The following SLIT3 variants were observed in gnomAD, a reference collection of about 807,000 sequenced individuals.
SLIT3 encodes the protein slit homolog 3 protein.
SLIT3 carries 68 observed loss-of-function variants against 184.0 expected under a neutral mutation model. The observed-to-expected ratio is 0.37, with a 90% CI of 0.30 to 0.45. SLIT3 has a LOEUF of 0.45. Ranked by LOEUF, SLIT3 falls within the 20% of genes least tolerant of loss-of-function variation. SLIT3 has a pLI of 1.00. For synonymous variants in SLIT3, 831 were observed against 828.6 expected, an observed-to-expected ratio of 1.00 and a Z score of -0.05; for missense variants, 1,707 against 2,026.0, an observed-to-expected ratio of 0.84 and a Z score of 3.02.
At chr5:169,176,962 T>C (rs576808889) in intron 4 of SLIT3, among the ~76,000 whole-genome samples, 1 of 152,338 alleles carries the variant, frequency 6.6e-6, no homozygotes, top group African/African-American at 2.4e-5. Flanking sequence ...ATCCCCCCTC[T>C]GCCTTTGAGA....
chr5:168,999,696 G>C (rs1022189641), intron 4 of SLIT3, among the ~76,000 whole-genome samples: 2 of 152,226 alleles, frequency 1.3e-5, no homozygotes, highest in Non-Finnish European at 2.9e-5. Context: ...CACAGCCCAA[G>C]TCCCTGCCTC....
At chr5:169,205,473 A>G (rs1241288924) in intron 3 of SLIT3, among the ~76,000 whole-genome samples, 1 of 152,240 alleles carries the variant, frequency 6.6e-6, no homozygotes, top group Non-Finnish European at 1.5e-5. Context: ...CTACTAGGAT[A>G]TCCATTCAAA....
chr5:169,300,745 C>G lies in SLIT3; in HGVS notation c.-36G>C. Reference sequence around the variant, plus strand: ...GCCCCGCTCCTGGAGGAGGCTGCCTCTGCGGGGCAAGACGCGTGGAGCCCG... The same window carrying G: ...GCCCCGCTCCTGGAGGAGGCTGCCTGTGCGGGGCAAGACGCGTGGAGCCCG... On this transcript the variant is annotated 5_prime_UTR_variant, in exon 1 of 36. Coordinates refer to ENST00000519560, the MANE Select transcript of SLIT3 (RefSeq NM_003062.4). This position sits in a 1 kb window ranked among gnomAD's most constrained non-coding sequence, Gnocchi z 4.1. 1 of 1,289,712 alleles carries G rather than the reference C, an allele frequency of 7.8e-7. No individual in the cohort carries two copies. Among genetic ancestry groups the G allele is most frequent in the Non-Finnish European group, 9.8e-7 (1 of 1,020,974 alleles). 79.9% of individuals were successfully genotyped at this position (1,289,712 alleles called of 1,614,324 possible).
intron 5 of SLIT3, among the ~76,000 whole-genome samples, chr5:168,848,690 C>T (rs1170626485): frequency 6.6e-6 from 1 of 152,106 alleles, no homozygotes; most frequent in Non-Finnish European, 1.5e-5. Context: ...AATGCAGACT[C>T]CCCGAGAGCA....
intron 4 of SLIT3, among the ~76,000 whole-genome samples, chr5:168,971,832 C>G (rs961173918): frequency 5.9e-5 from 9 of 152,206 alleles, no homozygotes; most frequent in African/African-American, 2.2e-4. Context: ...TGAGCATATT[C>G]CATGAGCAAG....
At chr5:169,044,451 T>C (rs1450315345) in intron 4 of SLIT3, among the ~76,000 whole-genome samples, 1 of 152,174 alleles carries the variant, frequency 6.6e-6, no homozygotes, top group African/African-American at 2.4e-5. Flanking sequence ...CAGATGAATC[T>C]TGAAAACATG....
At chr5:168,880,438 T>A (rs981629548) in intron 5 of SLIT3, among the ~76,000 whole-genome samples, 1 of 152,236 alleles carries the variant, frequency 6.6e-6, no homozygotes, top group Non-Finnish European at 1.5e-5. Context: ...AAACACATCT[T>A]ATACAGTTTT....
chr5:168,695,185 C>T (rs1465968601), intron 28 of SLIT3, among the ~76,000 whole-genome samples: 1 of 152,198 alleles, frequency 6.6e-6, no homozygotes, highest in Non-Finnish European at 1.5e-5. Flanking sequence ...ACCCACTTCA[C>T]TCCTGACATA....
intron 32 of SLIT3, among the ~76,000 whole-genome samples, chr5:168,677,059 T>G (rs1214009360): frequency 6.6e-6 from 1 of 152,108 alleles, no homozygotes; most frequent in African/African-American, 2.4e-5. Flanking sequence ...AGTGCCCCAG[T>G]GCTGGGCTTC....
At chr5:168,965,099 T>C (rs1314053814) in intron 4 of SLIT3, among the ~76,000 whole-genome samples, 1 of 152,162 alleles carries the variant, frequency 6.6e-6, no homozygotes, top group Non-Finnish European at 1.5e-5. Flanking sequence ...GTCTATGCTG[T>C]ATGTGGGACT....
At chr5:168,772,741 C>A in intron 14 of SLIT3, 40 bp downstream of exon 14, 1 of 1,612,388 alleles carries the variant, frequency 6.2e-7, no homozygotes, top group Non-Finnish European at 8.5e-7. Flanking sequence ...CTGCTGCATT[C>A]TGAGTCAGAA....
intron 2 of SLIT3, among the ~76,000 whole-genome samples, chr5:169,248,128 C>G (rs1765658589): frequency 6.6e-6 from 1 of 152,144 alleles, no homozygotes; most frequent in South Asian, 2.1e-4. Context: ...TTGCCAGGCT[C>G]TGATAACCAC....
chr5:168,992,200 C>T (rs898537998), intron 4 of SLIT3, among the ~76,000 whole-genome samples: 3 of 152,182 alleles, frequency 2.0e-5, no homozygotes, highest in African/African-American at 2.4e-5. Flanking sequence ...TGACCTCCTG[C>T]GTTTTAGTCA....
At chr5:169,140,448 C>G (rs1418737563) in intron 4 of SLIT3, among the ~76,000 whole-genome samples, 1 of 131,516 alleles carries the variant, frequency 7.6e-6, no homozygotes, top group Non-Finnish European at 1.6e-5. Flanking sequence ...CCATTGCACT[C>G]TGGCCTGGGC....
At chr5:169,124,357 G>A (rs778429353) in intron 4 of SLIT3, among the ~76,000 whole-genome samples, 16 of 152,194 alleles carry the variant, frequency 1.1e-4, no homozygotes, top group Non-Finnish European at 2.2e-4. Flanking sequence ...GACAAGCAGG[G>A]TTGCTGTGAG....
At chr5:169,184,718 T>A (rs1050370038) in intron 4 of SLIT3, among the ~76,000 whole-genome samples, 2 of 152,198 alleles carry the variant, frequency 1.3e-5, no homozygotes, top group Non-Finnish European at 2.9e-5. Context: ...TGTTTCTATA[T>A]GCTAAGTTTG....
At chr5:169,244,868 C>A (rs1270310484) in intron 2 of SLIT3, 92 bp from the exon 3 acceptor site, 4 of 1,068,486 alleles carry the variant, frequency 3.7e-6, no homozygotes, top group Non-Finnish European at 5.8e-6. Context: ...GGTCACTCAG[C>A]CCTTCCCATG....
intron 4 of SLIT3, among the ~76,000 whole-genome samples, chr5:169,005,787 T>C (rs1755898806): frequency 6.6e-6 from 1 of 152,240 alleles, no homozygotes; most frequent in South Asian, 2.1e-4. Context: ...TGGTGAGTAC[T>C]TGTGCCTTTG....
At chr5:169,293,460 A>G (rs1011785463) in intron 1 of SLIT3, among the ~76,000 whole-genome samples, 9 of 152,114 alleles carry the variant, frequency 5.9e-5, no homozygotes, top group Non-Finnish European at 1.3e-4. Context: ...ATTTTTCTTA[A>G]TGAAGCTTCA....
Sources: allele counts gnomAD v4.1 joint callset (sites outside exome capture counted in the v4.1 genomes callset), GRCh38; gene constraint gnomAD v4.1.1; non-coding constraint Gnocchi (gnomAD v3.1); transcripts MANE v1.5; gene names NCBI Gene and HGNC (gene_info 2026-07-23, HGNC 2026-07-21).